Variants in AMOT observed in about 807,000 individuals in gnomAD.
AMOT encodes angiomotin.
Under a neutral mutation model 67.0 loss-of-function variants are expected in AMOT, and 11 were observed. The ratio of observed to expected loss-of-function variants is 0.16; its 90% CI spans 0.10 to 0.27. The LOEUF (loss-of-function observed/expected upper bound fraction) is 0.27. Ranked by LOEUF, AMOT falls within the 10% of genes least tolerant of loss-of-function variation. AMOT has a pLI of 1.00. For synonymous variants in AMOT, 326 were observed against 321.4 expected, an observed-to-expected ratio of 1.01 and a Z score of -0.15; for missense variants, 753 against 852.0, an observed-to-expected ratio of 0.88 and a Z score of 1.45.
intron 9 of AMOT, 110 bp from the exon 10 acceptor site, chrX:112,790,892 G>T: frequency 1.4e-6 from 1 of 707,480 alleles, no homozygotes; most frequent in Non-Finnish European, 1.9e-6. Context: ...TTTCGACTCT[G>T]ATTCAGAAAG....
At chrX:112,793,740 G>C (rs1041056113) in intron 8 of AMOT, among the ~76,000 whole-genome samples, 1 of 111,646 alleles carries the variant, frequency 9.0e-6, no homozygotes. Context: ...AGGTGAGTTC[G>C]AAGCCTATAT....
chrX:112,838,268 G>A (rs1935179715), intron 1 of AMOT, among the ~76,000 whole-genome samples: 1 of 111,997 alleles, frequency 8.9e-6, no homozygotes, highest in African/African-American at 3.2e-5. Flanking sequence ...GAACAGGAAA[G>A]TGTGAGAAAC....
chrX:112,807,149 C>T (rs918375838), intron 7 of AMOT, among the ~76,000 whole-genome samples: 1 of 110,730 alleles, frequency 9.0e-6, no homozygotes, highest in African/African-American at 3.3e-5. Context: ...GCCTTCCACA[C>T]GAGAGAAGGA....
Position 112,815,654 on chromosome X carries a change from G to A in AMOT, c.1096C>T (p.His366Tyr). Reference protein sequence around the residue: ...FLPNQAHQGDHYRLSQPGLSQ... With the variant: ...FLPNQAHQGDYYRLSQPGLSQ... ...AGGCCAGGTTGGGAGAGACGGTAAT[G>A]ATCCCCCTGGTGAGCCTGATTAGGA... The change falls in exon 5 of 14, where the codon CAT (histidine) becomes TAT (tyrosine). Residue 366 changes from histidine (H) to tyrosine (Y), a missense_variant. Transcript: ENST00000371959. 1.7e-6 allele frequency: 2 copies of A among 1,186,138 alleles called. No homozygotes were observed. The highest frequency in any genetic ancestry group is 2.3e-6 in the Non-Finnish European group (2 of 883,220).
intron 5 of AMOT, among the ~76,000 whole-genome samples, chrX:112,813,235 CTT>C (rs1338955713): frequency 9.3e-6 from 1 of 107,833 alleles, no homozygotes; most frequent in Admixed American, 9.8e-5. Context: ...ATACTCCATC[CTT>C]CAAAAGGGCA....
At position 112,804,869 on chromosome X, in the gene AMOT, CCACAATGTGGAG is replaced by C. The variant is rs752662560; in HGVS notation, c.1776+66_1776+77del. 64 of 1,170,031 alleles carry C rather than the reference CCACAATGTGGAG, an allele frequency of 5.5e-5. No homozygotes were observed. The Middle Eastern group carries it at 9.8e-4, about 18-fold the overall frequency. On this transcript the variant is annotated intron_variant, in intron 8 of 13. Coordinates refer to ENST00000371959, the MANE Select transcript of AMOT (RefSeq NM_001113490.2). The stretch of plus-strand genomic sequence containing the variant: ...TGGGGATTATGCAGCTGCCAATTCA[CCACAATGTGGAG>C]CCCAGTGTCCCCGATTTCCCAGCCC...
intron 9 of AMOT, among the ~76,000 whole-genome samples, chrX:112,791,297 G>A (rs764676299): frequency 9.0e-6 from 1 of 110,908 alleles, no homozygotes; most frequent in East Asian, 2.8e-4. Context: ...GCTGACGCAG[G>A]AGAATTGCTT....
In AMOT at chrX:112,815,802, A is replaced by G. The variant is rs143986904; in HGVS notation, c.948T>C (p.Ser316=). The G allele has an allele frequency of 2.3e-3, 2,632 of 1,164,994 alleles. 35 individuals carry two copies. In the African/African-American group the frequency reaches 0.041, roughly 18 times the overall value. Residue 316 remains serine, a synonymous_variant, in exon 5 of 14, where the codon TCT becomes TCC. Transcript: ENST00000371959. ...QPHSPTSSLT[S]GGSLPLLQSP... ...ATTGTAGCAAGGGCAAGGACCCCCCAGAGGTCAGAGAAGAAGTAGGGCTGT... is the reference window on the plus strand; with the variant it reads ...ATTGTAGCAAGGGCAAGGACCCCCCGGAGGTCAGAGAAGAAGTAGGGCTGT...
At chrX:112,781,547 T>C (rs1389102475) in intron 11 of AMOT, among the ~76,000 whole-genome samples, 3 of 110,933 alleles carry the variant, frequency 2.7e-5, no homozygotes, top group Non-Finnish European at 5.7e-5. Context: ...GACTAAAGGC[T>C]GATCTAGTTA....
At chrX:112,834,344 G>A (rs1006707253) in intron 1 of AMOT, among the ~76,000 whole-genome samples, 3 of 111,427 alleles carry the variant, frequency 2.7e-5, no homozygotes, top group Non-Finnish European at 5.6e-5. Flanking sequence ...AGAGCAGATC[G>A]TTTGTCCATA....
intron 3 of AMOT, 92 bp from the exon 4 acceptor site, chrX:112,823,280 C>T (rs73221885): frequency 0.016 from 8,419 of 529,177 alleles, 52 homozygotes; most frequent in South Asian, 0.02. Flanking sequence ...GGTGAGGATT[C>T]GATTGCAGAA....
At chrX:112,799,989 T>C (rs1461567250) in intron 8 of AMOT, among the ~76,000 whole-genome samples, 1 of 111,472 alleles carries the variant, frequency 9.0e-6, no homozygotes. Flanking sequence ...TCCCAGCACT[T>C]TGGGAGGCCG....
At chrX:112,836,439 G>A (rs1380183950) in intron 1 of AMOT, among the ~76,000 whole-genome samples, 1 of 111,920 alleles carries the variant, frequency 8.9e-6, no homozygotes, top group East Asian at 2.8e-4. Context: ...GAGTCTTCAT[G>A]TGTCCTCGGT....
chrX:112,784,907 T>C (rs1339053155), intron 10 of AMOT, among the ~76,000 whole-genome samples: 1 of 111,682 alleles, frequency 9.0e-6, no homozygotes, highest in Non-Finnish European at 1.9e-5. Context: ...AAAGACCATT[T>C]TGGGGACTCA....
intron 4 of AMOT, among the ~76,000 whole-genome samples, chrX:112,820,510 T>C (rs756381679): frequency 1.8e-5 from 2 of 111,484 alleles, no homozygotes; most frequent in Non-Finnish European, 3.8e-5. Flanking sequence ...GTGGGAGTCA[T>C]TTCAGATCAC....
intron 5 of AMOT, among the ~76,000 whole-genome samples, chrX:112,813,590 A>G (rs777530661): frequency 9.0e-6 from 1 of 111,300 alleles, no homozygotes; most frequent in Admixed American, 9.6e-5. Context: ...AACAACAGCA[A>G]TCCTATTCTC....
At chrX:112,801,009 T>A (rs1465216206) in intron 8 of AMOT, among the ~76,000 whole-genome samples, 1 of 111,724 alleles carries the variant, frequency 9.0e-6, no homozygotes, top group Non-Finnish European at 1.9e-5. Context: ...TCTCCCTTCC[T>A]GTGCACTCAG....
Position 112,779,146 on chromosome X carries a change from G to T in AMOT, c.3008C>A (p.Ala1003Glu). The T allele has an allele frequency of 1.0e-6, 1 of 997,282 alleles. No individual in the cohort carries two copies. Among genetic ancestry groups the T allele is most frequent in the Non-Finnish European group, 1.4e-6 (1 of 699,704 alleles). 82.2% of individuals were successfully genotyped at this position (997,282 alleles called of 1,213,427 possible). A position where few individuals can be genotyped will look rare whatever the true frequency, so the allele number is the denominator to read the frequency against. The change falls in exon 13 of 14, where the codon GCA (alanine) becomes GAA (glutamate). Residue 1003 changes from alanine (A) to glutamate (E), a missense_variant. This residue lies in a region of AMOT where 269 missense variants were observed against 300.9 expected (regional missense o/e 0.89). Transcript: ENST00000371959. ...AQASAPAQTQ[A>E]PTSAPAVAPT... is the part of the protein sequence containing the mutation. ...AGCCACAGCCGGAGCTGAAGTTGGT[G>T]CCTGAGTCTGAGCAGGAGCAGAAGC...
At position 112,780,981 on chromosome X, in the gene AMOT, T is replaced by C. The variant is rs145715476; in HGVS notation, c.2378A>G (p.Asn793Ser). ...RPAKSLMSIS[N>S]AGSGLLSHSS... The stretch of plus-strand genomic sequence containing the variant: ...GTGGGAGAGCAAGCCTGATCCAGCA[T>C]TGGAAATGGACATCAGAGACTTCGC... Residue 793 changes from asparagine (N) to serine (S), a missense_variant, in exon 12 of 14, where the codon AAT (asparagine) becomes AGT (serine). This residue lies in a region of AMOT where 269 missense variants were observed against 300.9 expected (regional missense o/e 0.89). Coordinates refer to ENST00000371959, the MANE Select transcript of AMOT (RefSeq NM_001113490.2). 136 of 1,210,330 alleles carry C rather than the reference T, an allele frequency of 1.1e-4. No homozygotes were observed. The highest frequency in any genetic ancestry group is 1.5e-4 in the Non-Finnish European group (130 of 895,310).
Sources: allele counts gnomAD v4.1 joint callset (sites outside exome capture counted in the v4.1 genomes callset), GRCh38; gene constraint gnomAD v4.1.1; regional missense constraint gnomAD v4.1.1; transcripts MANE v1.5; gene names NCBI Gene and HGNC (gene_info 2026-07-23, HGNC 2026-07-21).